The following PDE7A variants were observed in gnomAD, a reference collection of about 807,000 sequenced individuals.
PDE7A encodes phosphodiesterase 7A, also known as high affinity 3',5'-cyclic-AMP phosphodiesterase 7A.
In PDE7A, 39 loss-of-function variants were observed where a neutral mutation model predicts 64.3. The ratio of observed to expected loss-of-function variants is 0.61; its 90% CI spans 0.47 to 0.79. The LOEUF (loss-of-function observed/expected upper bound fraction) is 0.79. PDE7A is among the 30% of genes least tolerant of loss of function. The pLI, the probability that PDE7A is intolerant of heterozygous loss-of-function variation, is 0.00. For synonymous variants in PDE7A, 203 were observed against 206.8 expected (o/e 0.98, Z 0.16); for missense variants, 470 against 582.8 (o/e 0.81, Z 1.99).
intron 3 of PDE7A, among the ~76,000 whole-genome samples, chr8:65,762,532 G>A (rs1423180941): frequency 6.6e-6 from 1 of 152,222 alleles, no homozygotes; most frequent in East Asian, 1.9e-4. Flanking sequence ...ACATTAAACA[G>A]GTTAGTTAAG....
At chr8:65,758,665 T>C (rs546562060) in intron 3 of PDE7A, among the ~76,000 whole-genome samples, 3 of 152,234 alleles carry the variant, frequency 2.0e-5, no homozygotes, top group Non-Finnish European at 2.9e-5. Flanking sequence ...TTTCAAACTA[T>C]ACTCTGAAGA....
chr8:65,740,765 A>G (rs1487039801), intron 5 of PDE7A, among the ~76,000 whole-genome samples: 1 of 152,088 alleles, frequency 6.6e-6, no homozygotes, highest in African/African-American at 2.4e-5. Flanking sequence ...TTGTTCTATC[A>G]GGTACAACTA....
chr8:65,735,269 G>A (rs756199141), intron 6 of PDE7A, among the ~76,000 whole-genome samples: 1 of 152,118 alleles, frequency 6.6e-6, no homozygotes, highest in Non-Finnish European at 1.5e-5. Flanking sequence ...TTCTGCACTT[G>A]CTTCCGTCCC....
intron 3 of PDE7A, among the ~76,000 whole-genome samples, chr8:65,757,403 A>G (rs1808282656): frequency 1.3e-5 from 2 of 152,172 alleles, no homozygotes; most frequent in South Asian, 2.1e-4. Flanking sequence ...AAGAATATAC[A>G]TAATTATTAA....
intron 7 of PDE7A, among the ~76,000 whole-genome samples, chr8:65,730,698 C>A (rs553600536): frequency 6.6e-6 from 1 of 152,056 alleles, no homozygotes; most frequent in East Asian, 1.9e-4. Flanking sequence ...AGGGCCAAGG[C>A]AGGCAGATCA....
intron 1 of PDE7A, among the ~76,000 whole-genome samples, chr8:65,786,841 T>C (rs1465269285): frequency 1.3e-5 from 2 of 152,138 alleles, no homozygotes; most frequent in East Asian, 3.9e-4. Flanking sequence ...GGTCAAAACA[T>C]GGGCGAGGCT....
intron 3 of PDE7A, among the ~76,000 whole-genome samples, chr8:65,750,590 T>C (rs2128908257): frequency 6.6e-6 from 1 of 151,794 alleles, no homozygotes. Flanking sequence ...AAACATGAAT[T>C]AGCCTCATTT....
At chr8:65,724,456 A>C (rs1230930020) in intron 10 of PDE7A, 105 bp from the exon 11 acceptor site, 1 of 672,720 alleles carries the variant, frequency 1.5e-6, no homozygotes, top group African/African-American at 1.8e-5. Context: ...TAAATAAATA[A>C]GCCAGAAATA....
intron 3 of PDE7A, among the ~76,000 whole-genome samples, chr8:65,775,354 G>T: frequency 6.6e-6 from 1 of 152,028 alleles, no homozygotes; most frequent in East Asian, 1.9e-4. Context: ...TCTTGAGTTG[G>T]ACTACTTAGT....
chr8:65,719,170 C>G lies in PDE7A; in HGVS notation c.*120G>C. The G allele has an allele frequency of 1.5e-6, 1 of 671,288 alleles. No individual in the cohort carries two copies. The highest frequency in any genetic ancestry group is 2.7e-6 in the Non-Finnish European group (1 of 374,616). The allele number at this position is 671,288 out of a possible 1,614,324, so 41.6% of individuals were successfully genotyped here. On this transcript the variant is annotated 3_prime_UTR_variant, in exon 13 of 13. Transcript: ENST00000401827. ...GAGGAAATCTTGGAAATAAATAATGCTGGCTGGCATCACTCACTTGGAAAC... is the reference window on the plus strand; with the variant it reads ...GAGGAAATCTTGGAAATAAATAATGGTGGCTGGCATCACTCACTTGGAAAC...
chr8:65,755,295 A>C lies in PDE7A; in HGVS notation c.284-7492T>G, dbSNP rs983058245. ...CTCAGCCTCCCAAAGTGCTGGGATT[A>C]CAGGCATGAGCCATCATGCCCGGCC... On this transcript the variant is annotated intron_variant, in intron 3 of 12. Transcript: ENST00000401827. 2.6e-5 allele frequency among the ~76,000 whole-genome samples: 4 copies of C among 152,296 alleles called. No homozygotes were observed. In the East Asian group the frequency reaches 7.7e-4, roughly 29 times the overall value.
rs780918402 is a variant in PDE7A at position 65,782,792 on chromosome 8, G to C, written c.190C>G (p.Arg64Gly). The change falls in exon 2 of 13, where the codon CGT (arginine) becomes GGT (glycine). Residue 64 changes from arginine to glycine, a missense_variant. Transcript: ENST00000401827. Reference sequence around the variant, plus strand: ...AATAAATAATGCTTACCTAGCATACGAATGTATAATGCAGTCTGATCAGAA... The same window carrying C: ...AATAAATAATGCTTACCTAGCATACCAATGTATAATGCAGTCTGATCAGAA... ...DSSDQTALYI[R>G]MLGDVRVRSR... The C allele has an allele frequency of 6.4e-7, 1 of 1,568,938 alleles. No homozygotes were observed.
intron 3 of PDE7A, among the ~76,000 whole-genome samples, chr8:65,777,077 CTTTT>C (rs56661178): frequency 2.2e-5 from 2 of 90,458 alleles, no homozygotes; most frequent in Non-Finnish European, 2.1e-5. Context: ...TTATCAAATG[CTTTT>C]TTTTTTTTTT....
chr8:65,794,699 G>A (rs1185002182), intron 1 of PDE7A, among the ~76,000 whole-genome samples: 1 of 152,052 alleles, frequency 6.6e-6, no homozygotes, highest in Non-Finnish European at 1.5e-5. Context: ...CATTGCAAAA[G>A]AGAGAGACAC....
At chr8:65,840,484 T>C (rs543773611) in intron 1 of PDE7A, among the ~76,000 whole-genome samples, 7 of 151,994 alleles carry the variant, frequency 4.6e-5, no homozygotes, top group East Asian at 1.9e-4. Context: ...CCATAAAAGA[T>C]AGTATTAGCC....
rs916581338 is a variant in PDE7A at position 65,717,858 on chromosome 8, C to T, written c.*1432G>A. On this transcript the variant is annotated 3_prime_UTR_variant, in exon 13 of 13. Coordinates refer to ENST00000401827, the MANE Select transcript of PDE7A (RefSeq NM_001242318.3). ...GTCTTTTACAGTAACAAGGGAAATACAAATGAACTAAAAGAAAGCACCGGT... is the reference window on the plus strand; with the variant it reads ...GTCTTTTACAGTAACAAGGGAAATATAAATGAACTAAAAGAAAGCACCGGT... 9 of 152,118 alleles carry T rather than the reference C, an allele frequency of 5.9e-5. No homozygotes were observed. Among genetic ancestry groups the T allele is most frequent in the African/African-American group, 1.9e-4 (8 of 41,424 alleles). The allele number at this position is 152,118 out of a possible 1,614,324, so 9.4% of individuals were successfully genotyped here.
chr8:65,826,713 T>C (rs901027252), intron 1 of PDE7A, among the ~76,000 whole-genome samples: 7 of 152,218 alleles, frequency 4.6e-5, no homozygotes, highest in Non-Finnish European at 8.8e-5. Flanking sequence ...TGTAATAGTT[T>C]CCTAGGGCTA....
chr8:65,804,581 C>T (rs376615104), intron 1 of PDE7A, among the ~76,000 whole-genome samples: 3 of 149,444 alleles, frequency 2.0e-5, no homozygotes, highest in East Asian at 2.0e-4. Flanking sequence ...TTCCATTGCC[C>T]AGCTGGAGTG....
intron 1 of PDE7A, among the ~76,000 whole-genome samples, chr8:65,809,230 T>C (rs1411000616): frequency 6.6e-6 from 1 of 152,206 alleles, no homozygotes; most frequent in Non-Finnish European, 1.5e-5. Flanking sequence ...TGGTATCATA[T>C]GCCACTGCTT....
Sources: gnomAD v4.1 joint callset for allele counts (sites outside exome capture counted in the v4.1 genomes callset) on GRCh38, gnomAD v4.1.1 for gene constraint, MANE v1.5 for transcripts, NCBI Gene and HGNC (gene_info 2026-07-23, HGNC 2026-07-21) for gene names.